The following ELF1 variants were observed in gnomAD, a reference collection of about 807,000 sequenced individuals.
ELF1 encodes E74 like ETS transcription factor 1, also known as ETS-related transcription factor Elf-1.
In ELF1, 24 loss-of-function variants were observed where a neutral mutation model predicts 59.9. That is an observed-to-expected ratio of 0.40 (90% CI 0.29 to 0.56). The LOEUF is 0.56. Ranked by LOEUF, ELF1 falls within the 20% of genes least tolerant of loss-of-function variation. ELF1 has a pLI of 0.44. For synonymous variants in ELF1, 248 were observed against 266.2 expected (o/e 0.93, Z 0.67); for missense variants, 627 against 742.2 (o/e 0.84, Z 1.80).
chr13:41,058,273 G>A (rs1413585056), intron 1 of ELF1, among the ~76,000 whole-genome samples: 2 of 152,084 alleles, frequency 1.3e-5, no homozygotes, highest in South Asian at 2.1e-4. Flanking sequence ...GGCCCTCCCT[G>A]CAGGCACTCT....
chr13:40,955,427 G>A (rs1273314373), intron 3 of ELF1, among the ~76,000 whole-genome samples: 8 of 138,914 alleles, frequency 5.8e-5, no homozygotes, highest in Non-Finnish European at 1.3e-4. Context: ...AGGTGGGGGG[G>A]TCAGCCCCCC....
chr13:40,940,762 C>T (rs1870103792), intron 8 of ELF1, among the ~76,000 whole-genome samples, 159 bp downstream of exon 8: 1 of 152,190 alleles, frequency 6.6e-6, no homozygotes, highest in African/African-American at 2.4e-5. Flanking sequence ...AGAGGACTGA[C>T]ATAATAGTAA....
intron 1 of ELF1, among the ~76,000 whole-genome samples, chr13:41,037,632 T>G (rs1300558240): frequency 2.6e-5 from 4 of 151,474 alleles, no homozygotes; most frequent in Non-Finnish European, 5.9e-5. Context: ...TCATCTCTAC[T>G]AAAAAATACA....
In ELF1 at chr13:40,933,759, G is replaced by T. The variant is rs544414935; in HGVS notation, c.1526C>A (p.Thr509Asn). 75 of 1,614,152 alleles carry T rather than the reference G, an allele frequency of 4.6e-5. No individual in the cohort carries two copies. Among genetic ancestry groups the T allele is most frequent in the Admixed American group, 6.7e-5 (4 of 60,008 alleles). The change falls in exon 9 of 9, where the codon ACT becomes AAT. Residue 509 changes from threonine (T) to asparagine (N), a missense_variant. By Grantham distance (65) the Thr-to-Asn change is moderately conservative. Transcript: ENST00000239882. ...ATTGCAAATGGTCTGAACATTGCTA[G>T]TAAGGACCTGCTGAACCTGGGCAGG... ...LGPAQVQQVL[T>N]SNVQTICNGT...
At chr13:40,990,127 T>C (rs1275591562) in intron 1 of ELF1, among the ~76,000 whole-genome samples, 1 of 152,172 alleles carries the variant, frequency 6.6e-6, no homozygotes, top group Non-Finnish European at 1.5e-5. Flanking sequence ...TCAAAAATCA[T>C]ACACAAGAAA....
intron 5 of ELF1, among the ~76,000 whole-genome samples, chr13:40,949,005 G>A (rs1870676632): frequency 6.6e-6 from 1 of 151,986 alleles, no homozygotes; most frequent in African/African-American, 2.4e-5. Context: ...ATTTTTTTGA[G>A]ATGGAGTTTC....
intron 2 of ELF1, among the ~76,000 whole-genome samples, chr13:40,976,906 G>A (rs574160246): frequency 3.7e-4 from 56 of 152,200 alleles, no homozygotes; most frequent in Admixed American, 3.9e-4. Context: ...CCCTAGAGAG[G>A]AAAGTGCTAA....
At chr13:41,013,755 A>G (rs199982077) in intron 1 of ELF1, among the ~76,000 whole-genome samples, 1 of 152,204 alleles carries the variant, frequency 6.6e-6, no homozygotes, top group East Asian at 1.9e-4. Context: ...TCCTACATGC[A>G]CATTTCATTT....
intron 1 of ELF1, among the ~76,000 whole-genome samples, chr13:41,042,864 G>C (rs1020407788): frequency 3.3e-5 from 5 of 152,280 alleles, no homozygotes; most frequent in East Asian, 3.9e-4. Context: ...TCTAGTTCTA[G>C]ATCATTGAGG....
chr13:40,958,829 C>A lies in ELF1; in HGVS notation c.253+7G>T. On this transcript the variant is annotated splice_region_variant and intron_variant, in intron 3 of 8. Transcript: ENST00000239882. Reference sequence around the variant, plus strand: ...AGCAAGGTCCTACTGGATGGAGACACACGCACCTGTAAGGGTGATGTCATC... The same window carrying A: ...AGCAAGGTCCTACTGGATGGAGACAAACGCACCTGTAAGGGTGATGTCATC... The A allele has an allele frequency of 6.2e-7, 1 of 1,603,616 alleles. No homozygotes were observed. Among genetic ancestry groups the A allele is most frequent in the Non-Finnish European group, 8.5e-7 (1 of 1,174,446 alleles).
chr13:41,025,996 TC>T (rs1292601488), intron 1 of ELF1, among the ~76,000 whole-genome samples: 4 of 152,194 alleles, frequency 2.6e-5, no homozygotes, highest in Non-Finnish European at 4.4e-5. Flanking sequence ...CTGTCCTAAC[TC>T]AGGGATATAT....
At chr13:40,942,197 A>C (rs192112329) in intron 7 of ELF1, among the ~76,000 whole-genome samples, 204 of 152,336 alleles carry the variant, frequency 1.3e-3, no homozygotes, top group Non-Finnish European at 1.4e-3. Flanking sequence ...ATCTATTTTA[A>C]CAAAATCAAG....
chr13:40,969,380 T>C (rs1256806499), intron 2 of ELF1, among the ~76,000 whole-genome samples: 1 of 152,220 alleles, frequency 6.6e-6, no homozygotes, highest in East Asian at 1.9e-4. Flanking sequence ...TTTACAGTTG[T>C]GTGTTTCTGG....
chr13:41,054,279 C>T (rs1391897603), intron 1 of ELF1, among the ~76,000 whole-genome samples: 1 of 152,172 alleles, frequency 6.6e-6, no homozygotes, highest in African/African-American at 2.4e-5. Context: ...AAATTAATTT[C>T]AAGCTTTCTA....
At chr13:40,949,767 A>G (rs1383452143) in intron 5 of ELF1, 39 bp downstream of exon 5, 1 of 1,605,006 alleles carries the variant, frequency 6.2e-7, no homozygotes, top group Non-Finnish European at 8.5e-7. Context: ...TTTCACACCA[A>G]GACTTGACTA....
intron 1 of ELF1, among the ~76,000 whole-genome samples, chr13:41,052,325 T>C (rs772386918): frequency 2.0e-5 from 3 of 152,170 alleles, no homozygotes; most frequent in Non-Finnish European, 4.4e-5. Flanking sequence ...AATCCTGAAA[T>C]AGTAACCATT....
intron 1 of ELF1, among the ~76,000 whole-genome samples, chr13:41,028,011 C>G (rs1566193757): frequency 6.6e-6 from 1 of 152,154 alleles, no homozygotes; most frequent in South Asian, 2.1e-4. Flanking sequence ...TTCCTTGTTT[C>G]CTGAACTAAG....
chr13:40,941,101 A>G lies in ELF1; in HGVS notation c.1076T>C (p.Val359Ala). ...AACTTCTGATGGTTGTGCAACTTCC[A>G]CAGGATCTTTGGGTTTTGCAGCTTT... ...NSKAAKPKDP[V>A]EVAQPSEVLR... Residue 359 changes from valine (V) to alanine (A), a missense_variant, in exon 8 of 9, where the codon GTG becomes GCG. Transcript: ENST00000239882. 2 of 1,614,196 alleles carry G rather than the reference A, an allele frequency of 1.2e-6. No homozygotes were observed. Among genetic ancestry groups the G allele is most frequent in the Non-Finnish European group, 1.7e-6 (2 of 1,180,028 alleles).
intron 1 of ELF1, among the ~76,000 whole-genome samples, chr13:41,040,028 G>A (rs1876540631): frequency 6.6e-6 from 1 of 152,010 alleles, no homozygotes; most frequent in South Asian, 2.1e-4. Context: ...ATTAGAGAGG[G>A]TACATGGAAA....
Sources: gnomAD v4.1 joint callset for allele counts (sites outside exome capture counted in the v4.1 genomes callset) on GRCh38, gnomAD v4.1.1 for gene constraint, MANE v1.5 for transcripts, NCBI Gene and HGNC (gene_info 2026-07-23, HGNC 2026-07-21) for gene names.